CDH13: variants seen among roughly 807,000 people sequenced by gnomAD.
CDH13 encodes the protein cadherin 13.
In CDH13, 24 loss-of-function variants were observed where a neutral mutation model predicts 63.8. The ratio of observed to expected loss-of-function variants is 0.38; its 90% CI spans 0.27 to 0.53. The LOEUF is 0.53. Among genes scored for constraint, CDH13 ranks in the 20% least tolerant of loss-of-function variants. The pLI, the probability that CDH13 is intolerant of heterozygous loss-of-function variation, is 0.85. For synonymous variants in CDH13, 503 were observed against 355.3 expected (o/e 1.42, Z -4.67); for missense variants, 1,049 against 903.1 (o/e 1.16, Z -2.07).
chr16:83,089,305 A>G (rs1287531905), intron 3 of CDH13, among the ~76,000 whole-genome samples: 1 of 152,234 alleles, frequency 6.6e-6, no homozygotes, highest in Non-Finnish European at 1.5e-5. Context: ...TTTACTTTAT[A>G]AAGATATTTT....
At chr16:83,680,703 C>T (rs1915333784) in intron 10 of CDH13, among the ~76,000 whole-genome samples, 1 of 152,110 alleles carries the variant, frequency 6.6e-6, no homozygotes, top group Admixed American at 6.5e-5. Context: ...TTCTGAGGAT[C>T]TTCCTGTTTC....
chr16:83,061,927 T>C (rs1311383875), intron 3 of CDH13, among the ~76,000 whole-genome samples: 1 of 152,162 alleles, frequency 6.6e-6, no homozygotes, highest in African/African-American at 2.4e-5. Context: ...GGAGAGGCCC[T>C]CTAGAGAGGC....
At chr16:82,847,719 A>G (rs908272437) in intron 1 of CDH13, among the ~76,000 whole-genome samples, 2 of 152,108 alleles carry the variant, frequency 1.3e-5, no homozygotes, top group Non-Finnish European at 2.9e-5. Context: ...TGTTTGCGTT[A>G]TCTCATTAAA....
chr16:83,110,994 G>A (rs983998662), intron 3 of CDH13, among the ~76,000 whole-genome samples: 2 of 88,400 alleles, frequency 2.3e-5, no homozygotes, highest in Non-Finnish European at 4.2e-5. Flanking sequence ...GTATGTATTA[G>A]GTTGTTGCAA....
At chr16:83,667,837 T>C (rs1015515734) in intron 8 of CDH13, among the ~76,000 whole-genome samples, 4 of 152,032 alleles carry the variant, frequency 2.6e-5, no homozygotes, top group African/African-American at 7.2e-5. Flanking sequence ...TTTTACATTT[T>C]TTTTTAGAGA....
At chr16:83,490,870 G>C (rs2073998548) in intron 7 of CDH13, among the ~76,000 whole-genome samples, 1 of 152,158 alleles carries the variant, frequency 6.6e-6, no homozygotes, top group African/African-American at 2.4e-5. Context: ...TACTTGTTCG[G>C]AAAACCCTAC....
intron 2 of CDH13, among the ~76,000 whole-genome samples, chr16:82,947,004 C>CTGTGTGTGTG (rs3223223): frequency 0.029 from 3,879 of 134,924 alleles, 106 homozygotes; most frequent in East Asian, 0.085. Context: ...GTGCGCACGC[C>CTGTGTGTGTG]TGTGTGTGTG....
intron 4 of CDH13, among the ~76,000 whole-genome samples, chr16:83,154,962 A>G (rs2037145934): frequency 6.6e-6 from 1 of 152,256 alleles, no homozygotes; most frequent in African/African-American, 2.4e-5. Flanking sequence ...TTTATGGTTT[A>G]GGGAAAAAAT....
chr16:83,094,278 G>T (rs2034082562), intron 3 of CDH13, among the ~76,000 whole-genome samples: 1 of 152,140 alleles, frequency 6.6e-6, no homozygotes, highest in South Asian at 2.1e-4. Flanking sequence ...TTGCAATGGG[G>T]TTACTGGGAA....
intron 7 of CDH13, among the ~76,000 whole-genome samples, chr16:83,594,112 A>T (rs1352543767): frequency 6.6e-6 from 1 of 152,216 alleles, no homozygotes; most frequent in Non-Finnish European, 1.5e-5. Flanking sequence ...CTCCACTTCC[A>T]AGTTCACTCA....
chr16:82,873,139 G>A (rs2040399167), intron 2 of CDH13, among the ~76,000 whole-genome samples: 1 of 152,116 alleles, frequency 6.6e-6, no homozygotes, highest in African/African-American at 2.4e-5. Flanking sequence ...ATCCAGTGAG[G>A]TAAAAATCAA....
At chr16:83,365,915 A>G (rs1449020855) in intron 6 of CDH13, among the ~76,000 whole-genome samples, 4 of 152,152 alleles carry the variant, frequency 2.6e-5, no homozygotes, top group African/African-American at 7.2e-5. Flanking sequence ...AGGGACTCCA[A>G]TAAGGAACAC....
intron 1 of CDH13, among the ~76,000 whole-genome samples, chr16:82,712,042 C>T (rs2031985874): frequency 6.6e-6 from 1 of 152,182 alleles, no homozygotes; most frequent in African/African-American, 2.4e-5. Context: ...GCATTTTATA[C>T]TCCATACTTC....
At chr16:83,487,203 C>G (rs576041577) in intron 7 of CDH13, among the ~76,000 whole-genome samples, 1 of 152,236 alleles carries the variant, frequency 6.6e-6, no homozygotes, top group Admixed American at 6.5e-5. Context: ...ATGTCACAAA[C>G]AGGTGACCCC....
At chr16:82,835,831 C>T (rs1431988673) in intron 1 of CDH13, among the ~76,000 whole-genome samples, 1 of 152,198 alleles carries the variant, frequency 6.6e-6, no homozygotes, top group Non-Finnish European at 1.5e-5. Context: ...TGGCCAGAGT[C>T]TCATCAGCTC....
intron 1 of CDH13, among the ~76,000 whole-genome samples, chr16:82,664,222 C>T (rs1004063566): frequency 5.3e-5 from 8 of 152,232 alleles, no homozygotes; most frequent in Admixed American, 1.3e-4. Flanking sequence ...TGCAAAGCAA[C>T]GTGCCATTGC....
intron 1 of CDH13, among the ~76,000 whole-genome samples, chr16:82,686,981 C>A (rs76359009): frequency 6.0e-4 from 92 of 152,290 alleles, no homozygotes; most frequent in African/African-American, 2.0e-3. Flanking sequence ...GCTCTTGCTT[C>A]GTTCAATAAA....
At chr16:83,007,836 AAGAGAG>A (rs1057019078) in intron 2 of CDH13, among the ~76,000 whole-genome samples, 1 of 151,882 alleles carries the variant, frequency 6.6e-6, no homozygotes, top group Non-Finnish European at 1.5e-5. Context: ...AAAAAAAAAA[AAGAGAG>A]AAAAGAAAAA....
intron 10 of CDH13, among the ~76,000 whole-genome samples, chr16:83,682,272 C>T (rs1915470234): frequency 6.6e-6 from 1 of 152,052 alleles, no homozygotes; most frequent in Non-Finnish European, 1.5e-5. Flanking sequence ...GGGAGGCTCC[C>T]TTCTGGGAGT....
Sources: allele counts gnomAD v4.1 joint callset (sites outside exome capture counted in the v4.1 genomes callset), GRCh38; gene constraint gnomAD v4.1.1; transcripts MANE v1.5; gene names NCBI Gene and HGNC (gene_info 2026-07-23, HGNC 2026-07-21).